JMJD1C: variants seen among roughly 807,000 people sequenced by gnomAD.
JMJD1C encodes jumonji domain-containing protein 1C.
Under a neutral mutation model 245.3 loss-of-function variants are expected in JMJD1C, and 31 were observed. The ratio of observed to expected loss-of-function variants is 0.13; its 90% CI spans 0.09 to 0.17. JMJD1C has a LOEUF of 0.17. Among genes scored for constraint, JMJD1C ranks in the 10% least tolerant of loss-of-function variants. The probability of loss-of-function intolerance (pLI) is 1.00; values close to 1 mark genes in which losing one functional copy is unlikely to be tolerated. For synonymous variants in JMJD1C, 1,057 were observed against 1,017.4 expected, an observed-to-expected ratio of 1.04 and a Z score of -0.74; for missense variants, 2,691 against 3,000.2, an observed-to-expected ratio of 0.90 and a Z score of 2.41.
intron 1 of JMJD1C, among the ~76,000 whole-genome samples, chr10:63,483,878 G>A (rs1953902863): frequency 6.6e-6 from 1 of 152,166 alleles, no homozygotes; most frequent in African/African-American, 2.4e-5. Flanking sequence ...GACACATTAT[G>A]TTGCCAATCA....
intron 11 of JMJD1C, among the ~76,000 whole-genome samples, chr10:63,199,908 T>C (rs958210388): frequency 1.3e-5 from 2 of 152,180 alleles, no homozygotes; most frequent in Admixed American, 6.5e-5. Flanking sequence ...GGCATACTTA[T>C]CTCATTTAAC....
intron 2 of JMJD1C, among the ~76,000 whole-genome samples, chr10:63,340,627 C>A (rs1284685921): frequency 6.6e-6 from 1 of 152,118 alleles, no homozygotes; most frequent in East Asian, 1.9e-4. Flanking sequence ...GGCATGACCA[C>A]CATATATTAA....
At chr10:63,236,014 T>C (rs967922959) in intron 3 of JMJD1C, among the ~76,000 whole-genome samples, 6 of 152,330 alleles carry the variant, frequency 3.9e-5, no homozygotes, top group Non-Finnish European at 5.9e-5. Flanking sequence ...ATATCATAAA[T>C]AGATTATATA....
intron 2 of JMJD1C, among the ~76,000 whole-genome samples, chr10:63,372,118 T>C (rs1946365282): frequency 6.6e-6 from 1 of 152,194 alleles, no homozygotes; most frequent in Admixed American, 6.5e-5. Context: ...TATTCTCCTT[T>C]GAGGGGGTTT....
At chr10:63,291,285 GAA>G (rs1858657195) in intron 2 of JMJD1C, among the ~76,000 whole-genome samples, 1 of 110,300 alleles carries the variant, frequency 9.1e-6, no homozygotes, top group South Asian at 3.1e-4. Context: ...TCCAGCCTGG[GAA>G]AAAAGAGTGA....
At chr10:63,380,624 G>T (rs724553) in intron 1 of JMJD1C, 142 bp from the exon 2 acceptor site, 3 of 623,838 alleles carry the variant, frequency 4.8e-6, no homozygotes, top group Admixed American at 3.1e-5. Context: ...GATCAAATCA[G>T]GGTAATTAGA....
chr10:63,312,255 G>C (rs1450703943), intron 2 of JMJD1C, among the ~76,000 whole-genome samples: 1 of 152,006 alleles, frequency 6.6e-6, no homozygotes, highest in Non-Finnish European at 1.5e-5. Flanking sequence ...TTACAGGCAT[G>C]CATCACCACG....
At position 63,465,638 on chromosome 10, in the gene JMJD1C, G is replaced by T. The variant is rs1269287771; in HGVS notation, c.25C>A (p.Leu9Met). The T allele has an allele frequency of 1.2e-6, 2 of 1,609,390 alleles. No individual in the cohort carries two copies. The highest frequency in any genetic ancestry group is 8.5e-7 in the Non-Finnish European group (1 of 1,179,862). MAVETRAE[L>M]VGKRFLCVAV... Reference sequence around the variant, plus strand: ...ACACACAGGAACCGCTTACCCACCAGCTCTGCCCGCGTCTCTACCGCCATA... The same window carrying T: ...ACACACAGGAACCGCTTACCCACCATCTCTGCCCGCGTCTCTACCGCCATA... Residue 9 changes from leucine to methionine, a missense_variant, in exon 1 of 26, where the codon CTG (leucine) becomes ATG (methionine). This residue lies in a region of JMJD1C where 135 missense variants were observed against 115.5 expected (regional missense o/e 1.17). Coordinates refer to ENST00000399262, the MANE Select transcript of JMJD1C (RefSeq NM_032776.3).
In JMJD1C at chr10:63,427,308, T is replaced by C. The variant is rs570199958; in HGVS notation, c.168+38187A>G. ...CTCCAGCCGGGACGATGGTGAAGTA[T>C]TTCCTGGGCCAGGGCGTGCTCCAGA... On this transcript the variant is annotated intron_variant, in intron 1 of 25. Transcript: ENST00000399262. 7.7e-6 allele frequency: 7 copies of C among 903,240 alleles called. No individual in the cohort carries two copies. The East Asian group carries it at 2.4e-4, about 31-fold the overall frequency. 56.0% of individuals were successfully genotyped at this position (903,240 alleles called of 1,614,324 possible).
At chr10:63,435,451 T>C (rs1301597120) in intron 1 of JMJD1C, among the ~76,000 whole-genome samples, 1 of 152,102 alleles carries the variant, frequency 6.6e-6, no homozygotes, top group African/African-American at 2.4e-5. Flanking sequence ...AAACACAGAT[T>C]GTAACAGCAA....
chr10:63,295,989 GTGTGTGTGTGTGTGTA>G (rs1859360165), intron 2 of JMJD1C, among the ~76,000 whole-genome samples: 1 of 10,136 alleles, frequency 9.9e-5, no homozygotes, highest in South Asian at 2.1e-3. Flanking sequence ...GTGTGTGTGT[GTGTGTGTGTGTGTGTA>G]TATATATATT....
intron 2 of JMJD1C, among the ~76,000 whole-genome samples, chr10:63,345,823 TA>T (rs1943768788): frequency 6.6e-6 from 1 of 152,178 alleles, no homozygotes; most frequent in South Asian, 2.1e-4. Context: ...CACATTTTTA[TA>T]AAACCAGTAA....
At chr10:63,187,874 G>C (rs1015585533) in intron 18 of JMJD1C, among the ~76,000 whole-genome samples, 2 of 152,114 alleles carry the variant, frequency 1.3e-5, no homozygotes, top group African/African-American at 4.8e-5. Context: ...CTATCACCTA[G>C]AGTATAATGT....
intron 4 of JMJD1C, among the ~76,000 whole-genome samples, chr10:63,219,219 C>G (rs1208051639): frequency 6.6e-6 from 1 of 152,128 alleles, no homozygotes; most frequent in Non-Finnish European, 1.5e-5. Context: ...GGGATTCTCT[C>G]TTGACACTTA....
chr10:63,458,786 T>C (rs1413887727), intron 1 of JMJD1C, among the ~76,000 whole-genome samples: 1 of 151,856 alleles, frequency 6.6e-6, no homozygotes, highest in East Asian at 1.9e-4. Flanking sequence ...TGCAGTGGCA[T>C]GATCATGGCT....
In JMJD1C at chr10:63,281,063, G is replaced by C. The variant is rs1458162311; in HGVS notation, c.334-16299C>G. 2.7e-5 allele frequency among the ~76,000 whole-genome samples: 4 copies of C among 150,576 alleles called. No homozygotes were observed. In the East Asian group the frequency reaches 7.8e-4, roughly 29 times the overall value. ...TTAGCCAGCATGGTCTTGATCTCCT[G>C]ACCTCGTGATTCACCGCCTCCGCCT... On this transcript the variant is annotated intron_variant, in intron 2 of 25. Transcript: ENST00000399262.
At chr10:63,176,276 T>A in intron 24 of JMJD1C, 21 bp downstream of exon 24, 1 of 1,534,972 alleles carries the variant, frequency 6.5e-7, no homozygotes, top group African/African-American at 1.4e-5. Context: ...AAAAATATGT[T>A]AGAAATAAGT....
At chr10:63,243,841 A>AG (rs1851823903) in intron 3 of JMJD1C, among the ~76,000 whole-genome samples, 1 of 152,154 alleles carries the variant, frequency 6.6e-6, no homozygotes, top group Admixed American at 6.5e-5. Flanking sequence ...GCAGATAATA[A>AG]GAGAATTGGA....
At chr10:63,280,812 C>T (rs944136761) in intron 2 of JMJD1C, among the ~76,000 whole-genome samples, 1 of 152,060 alleles carries the variant, frequency 6.6e-6, no homozygotes, top group Non-Finnish European at 1.5e-5. Flanking sequence ...ATGTATTATT[C>T]ACATGAACTG....
Sources: allele counts gnomAD v4.1 joint callset (sites outside exome capture counted in the v4.1 genomes callset), GRCh38; gene constraint gnomAD v4.1.1; regional missense constraint gnomAD v4.1.1; transcripts MANE v1.5; gene names NCBI Gene and HGNC (gene_info 2026-07-23, HGNC 2026-07-21).